PTN: variants seen among roughly 807,000 people sequenced by gnomAD.
PTN encodes the protein heparin affin regulatory protein.
PTN carries 18 observed loss-of-function variants against 24.1 expected under a neutral mutation model. The ratio of observed to expected loss-of-function variants is 0.75; its 90% CI spans 0.52 to 1.11. The LOEUF (loss-of-function observed/expected upper bound fraction) is 1.11, where lower values mean the gene tolerates loss of function less well. Ranked by LOEUF, PTN falls within the 50% of genes least tolerant of loss-of-function variation. The pLI, the probability that PTN is intolerant of heterozygous loss-of-function variation, is 0.00. For missense variants in PTN, 163 were observed against 198.8 expected (o/e 0.82, Z 1.08); for synonymous variants, 78 against 68.6 (o/e 1.14, Z -0.67).
At chr7:137,270,133 G>A (rs1280017410) in intron 1 of PTN, among the ~76,000 whole-genome samples, 1 of 152,184 alleles carries the variant, frequency 6.6e-6, no homozygotes, top group Non-Finnish European at 1.5e-5. Flanking sequence ...CTTGCACTCC[G>A]ATAAAGCATC....
intron 1 of PTN, among the ~76,000 whole-genome samples, chr7:137,261,415 C>T (rs554414160): frequency 1.3e-3 from 205 of 152,138 alleles, no homozygotes; most frequent in African/African-American, 4.7e-3. Context: ...AAATATTAAA[C>T]CCACCAATTA....
In PTN at chr7:137,242,058, G is replaced by A. The variant is rs889892941; in HGVS notation, c.451+9172C>T. Among the ~76,000 whole-genome samples, 45 of 152,146 alleles carry A rather than the reference G, an allele frequency of 3.0e-4. 2 individuals carry two copies. The highest frequency in any genetic ancestry group is 1.5e-5 in the Non-Finnish European group (1 of 68,032). Reference sequence around the variant, plus strand: ...CCAGAACATAGACAGAAATGTTGGGGGGAACTTCTTTTATCTTTAAAAGAA... The same window carrying A: ...CCAGAACATAGACAGAAATGTTGGGAGGAACTTCTTTTATCTTTAAAAGAA... On this transcript the variant is annotated intron_variant, in intron 4 of 4. Coordinates refer to ENST00000348225, the MANE Select transcript of PTN (RefSeq NM_002825.7).
intron 1 of PTN, among the ~76,000 whole-genome samples, chr7:137,260,715 G>T (rs1326340085): frequency 6.6e-6 from 1 of 152,048 alleles, no homozygotes; most frequent in African/African-American, 2.4e-5. Context: ...ATTGGCAGTT[G>T]GATGCAGAGG....
rs76944235 is a variant in PTN at position 137,237,037 on chromosome 7, A to G, written c.452-8962T>C. Among the ~76,000 whole-genome samples the G allele has an allele frequency of 5.3e-3, 809 of 152,314 alleles. 3 individuals carry two copies. Among genetic ancestry groups the G allele is most frequent in the South Asian group, 0.011 (52 of 4,828 alleles). On this transcript the variant is annotated intron_variant, in intron 4 of 4. Transcript: ENST00000348225. ...GGTTCAAAAAATTATAGATATAGATATAGTTAAATAGAATCAGTTATTATG... is the reference window on the plus strand; with the variant it reads ...GGTTCAAAAAATTATAGATATAGATGTAGTTAAATAGAATCAGTTATTATG...
chr7:137,335,728 A>C (rs1810437015), intron 1 of PTN, among the ~76,000 whole-genome samples: 1 of 152,180 alleles, frequency 6.6e-6, no homozygotes, highest in Non-Finnish European at 1.5e-5. Context: ...ATGAACATGA[A>C]AGTTTGAGAA....
intron 1 of PTN, among the ~76,000 whole-genome samples, chr7:137,317,730 C>T (rs1810095888): frequency 6.6e-6 from 1 of 152,140 alleles, no homozygotes; most frequent in Admixed American, 6.6e-5. Flanking sequence ...TTAAACAATA[C>T]TGCATTGTAG....
intron 4 of PTN, among the ~76,000 whole-genome samples, chr7:137,231,458 G>T (rs141238520): frequency 6.6e-6 from 1 of 151,782 alleles, no homozygotes; most frequent in African/African-American, 2.4e-5. Context: ...AGCAGATTCC[G>T]TGCACAGACA....
At chr7:137,276,027 C>G (rs1426637632) in intron 1 of PTN, among the ~76,000 whole-genome samples, 2 of 152,156 alleles carry the variant, frequency 1.3e-5, no homozygotes, top group African/African-American at 4.8e-5. Context: ...AAATGGCATC[C>G]CACATTATTA....
chr7:137,252,646 T>C (rs1392737885), intron 3 of PTN, among the ~76,000 whole-genome samples: 1 of 151,880 alleles, frequency 6.6e-6, no homozygotes, highest in Non-Finnish European at 1.5e-5. Context: ...TATACATCCA[T>C]TATCCTTCCT....
chr7:137,330,464 A>G (rs1226833266), intron 1 of PTN, among the ~76,000 whole-genome samples: 2 of 152,140 alleles, frequency 1.3e-5, no homozygotes, highest in African/African-American at 4.8e-5. Context: ...CCAGCCCCCA[A>G]ATCTAGAAGG....
intron 1 of PTN, among the ~76,000 whole-genome samples, chr7:137,273,749 G>A (rs1475297818): frequency 2.0e-5 from 3 of 152,172 alleles, no homozygotes; most frequent in African/African-American, 7.2e-5. Context: ...TCATTAAGTA[G>A]TCTGGAGAAG....
chr7:137,335,518 G>T (rs1160505139), intron 1 of PTN, among the ~76,000 whole-genome samples: 1 of 152,122 alleles, frequency 6.6e-6, no homozygotes, highest in Non-Finnish European at 1.5e-5. Context: ...TTTTTATTAA[G>T]CTATGGACAT....
At chr7:137,337,454 C>A (rs1810467176) in intron 1 of PTN, among the ~76,000 whole-genome samples, 1 of 151,522 alleles carries the variant, frequency 6.6e-6, no homozygotes, top group African/African-American at 2.4e-5. Context: ...AGTAGAGTTA[C>A]AAAAATATGA....
chr7:137,251,472 G>T, intron 3 of PTN, 81 bp from the exon 4 acceptor site: 1 of 1,464,632 alleles, frequency 6.8e-7, no homozygotes, highest in Non-Finnish European at 9.4e-7. Context: ...ACTTTTGTTT[G>T]TAACTTTTTT....
intron 1 of PTN, among the ~76,000 whole-genome samples, chr7:137,267,522 A>G (rs534431280): frequency 1.2e-4 from 18 of 152,222 alleles, no homozygotes; most frequent in East Asian, 3.9e-4. Context: ...CTTCCTTCTG[A>G]TGGCCAACCC....
At chr7:137,328,787 C>A (rs976348635) in intron 1 of PTN, among the ~76,000 whole-genome samples, 16 of 152,246 alleles carry the variant, frequency 1.1e-4, no homozygotes, top group African/African-American at 3.9e-4. Flanking sequence ...AAACAATGGG[C>A]AATCATATGC....
intron 1 of PTN, among the ~76,000 whole-genome samples, chr7:137,324,288 G>A (rs573559830): frequency 3.3e-5 from 5 of 151,050 alleles, no homozygotes; most frequent in East Asian, 2.0e-4. Flanking sequence ...TCAGCTACTC[G>A]GAACGTGGAG....
chr7:137,263,943 C>T (rs1809088906), intron 1 of PTN, among the ~76,000 whole-genome samples: 1 of 152,154 alleles, frequency 6.6e-6, no homozygotes, highest in Non-Finnish European at 1.5e-5. Flanking sequence ...TTTTGAACTC[C>T]ACCACGTAAC....
intron 1 of PTN, among the ~76,000 whole-genome samples, chr7:137,330,008 C>T (rs888214483): frequency 6.6e-6 from 1 of 152,080 alleles, no homozygotes; most frequent in African/African-American, 2.4e-5. Flanking sequence ...GCCAGTTGGT[C>T]GGGTGCAGTG....
Sources: gnomAD v4.1 joint callset for allele counts (sites outside exome capture counted in the v4.1 genomes callset) on GRCh38, gnomAD v4.1.1 for gene constraint, MANE v1.5 for transcripts, NCBI Gene and HGNC (gene_info 2026-07-23, HGNC 2026-07-21) for gene names.